C16orf87: variants seen among roughly 807,000 people sequenced by gnomAD.
The protein encoded by C16orf87 is UPF0547 protein C16orf87.
In C16orf87, 13 loss-of-function variants were observed where a neutral mutation model predicts 21.0. That is an observed-to-expected ratio of 0.62 (90% CI 0.40 to 0.98). C16orf87 has a LOEUF of 0.98. Among genes scored for constraint, C16orf87 ranks in the 50% least tolerant of loss-of-function variants. The probability of loss-of-function intolerance (pLI) is 0.00; values close to 1 mark genes in which losing one functional copy is unlikely to be tolerated. For missense variants in C16orf87, 113 were observed against 180.4 expected (o/e 0.63, Z 2.14); for synonymous variants, 49 against 60.2 (o/e 0.81, Z 0.86).
intron 2 of C16orf87, among the ~76,000 whole-genome samples, chr16:46,814,615 A>G (rs1034282713): frequency 6.6e-6 from 1 of 152,202 alleles, no homozygotes. Flanking sequence ...CAGACGTTTA[A>G]AACAGTGTAG....
At chr16:46,803,233 T>C (rs984537616) in intron 3 of C16orf87, among the ~76,000 whole-genome samples, 163 bp from the exon 4 acceptor site, 9 of 152,198 alleles carry the variant, frequency 5.9e-5, no homozygotes, top group East Asian at 3.8e-4. Flanking sequence ...TTTTAAATTA[T>C]ACAAAGGAGT....
At chr16:46,810,990 CT>C (rs560668755) in intron 2 of C16orf87, among the ~76,000 whole-genome samples, 81 of 152,304 alleles carry the variant, frequency 5.3e-4, no homozygotes, top group African/African-American at 1.9e-3. Flanking sequence ...CAACTCATTA[CT>C]TTGAAAACTT....
At chr16:46,823,594 T>A (rs1057220648) in intron 2 of C16orf87, among the ~76,000 whole-genome samples, 1 of 151,820 alleles carries the variant, frequency 6.6e-6, no homozygotes, top group Non-Finnish European at 1.5e-5. Flanking sequence ...TCTAAAAACG[T>A]TTTTCATACC....
At chr16:46,828,876 T>A (rs564595731) in intron 1 of C16orf87, among the ~76,000 whole-genome samples, 1 of 152,340 alleles carries the variant, frequency 6.6e-6, no homozygotes, top group South Asian at 2.1e-4. Context: ...CATCCATTAT[T>A]TTTTCACATC....
intron 3 of C16orf87, among the ~76,000 whole-genome samples, chr16:46,808,286 T>C (rs1246884845): frequency 6.6e-6 from 1 of 152,174 alleles, no homozygotes; most frequent in Non-Finnish European, 1.5e-5. Flanking sequence ...TAAACCTTAC[T>C]CCTTTAGCCA....
chr16:46,804,028 T>C (rs1388275877), intron 3 of C16orf87, among the ~76,000 whole-genome samples: 1 of 152,246 alleles, frequency 6.6e-6, no homozygotes, highest in Non-Finnish European at 1.5e-5. Flanking sequence ...TACATTATTA[T>C]GCCTATGGTA....
At chr16:46,814,019 C>G (rs1338231071) in intron 2 of C16orf87, among the ~76,000 whole-genome samples, 1 of 152,110 alleles carries the variant, frequency 6.6e-6, no homozygotes, top group Non-Finnish European at 1.5e-5. Context: ...ACCACCTTCT[C>G]AAAATCCCAT....
chr16:46,831,075 G>A lies in C16orf87; in HGVS notation c.66+9C>T, dbSNP rs1270293549. 2.6e-6 allele frequency: 4 copies of A among 1,563,240 alleles called. No individual in the cohort carries two copies. The highest frequency in any genetic ancestry group is 1.4e-5 in the African/African-American group (1 of 71,188). ...CCGCCCGCCCGCGCGCCCGGCCCCC[G>A]GCACCCACCTGTTGGTCGCACTCGG... On this transcript the variant is annotated intron_variant, in intron 1 of 3. Transcript: ENST00000285697.
chr16:46,802,951 A>G lies in C16orf87; in HGVS notation c.*1T>C, dbSNP rs752863704. ...GTTTCAGCAGATTTTGCAAACAAGTATCAGAGAATAAGTCTTTGATTGATA... is the reference window on the plus strand; with the variant it reads ...GTTTCAGCAGATTTTGCAAACAAGTGTCAGAGAATAAGTCTTTGATTGATA... On this transcript the variant is annotated 3_prime_UTR_variant, in exon 4 of 4. Coordinates refer to ENST00000285697, the MANE Select transcript of C16orf87 (RefSeq NM_001001436.4). 4 of 1,435,824 alleles carry G rather than the reference A, an allele frequency of 2.8e-6. No individual in the cohort carries two copies. Among genetic ancestry groups the G allele is most frequent in the Middle Eastern group, 1.8e-4 (1 of 5,456 alleles). 88.9% of individuals were successfully genotyped at this position (1,435,824 alleles called of 1,614,324 possible).
intron 1 of C16orf87, among the ~76,000 whole-genome samples, chr16:46,829,769 C>G (rs1959771136): frequency 6.6e-6 from 1 of 152,068 alleles, no homozygotes. Flanking sequence ...CAACCTTTTT[C>G]TGATAAGCAT....
chr16:46,830,307 A>AGAGAGAGAGTGAGT, intron 1 of C16orf87, among the ~76,000 whole-genome samples: 2 of 109,240 alleles, frequency 1.8e-5, no homozygotes, highest in East Asian at 2.7e-4. Flanking sequence ...AGAGAGAGAG[A>AGAGAGAGAGTGAGT]GACACACAGA....
chr16:46,829,568 T>C (rs1019072971), intron 1 of C16orf87, among the ~76,000 whole-genome samples: 1 of 152,168 alleles, frequency 6.6e-6, no homozygotes, highest in Non-Finnish European at 1.5e-5. Context: ...TTCTACACAA[T>C]TAACTGGAAT....
intron 2 of C16orf87, among the ~76,000 whole-genome samples, chr16:46,818,446 C>G (rs1263225422): frequency 6.6e-6 from 1 of 151,262 alleles, no homozygotes; most frequent in Non-Finnish European, 1.5e-5. Flanking sequence ...TTTTTTCTTT[C>G]TCCCAGTGAA....
chr16:46,809,481 T>C (rs561256982), intron 3 of C16orf87, 122 bp downstream of exon 3: 1 of 651,830 alleles, frequency 1.5e-6, no homozygotes, highest in East Asian at 2.6e-5. Context: ...GCTTTCAAAC[T>C]AAAATATGAG....
chr16:46,827,112 T>G (rs1173553177), intron 1 of C16orf87, among the ~76,000 whole-genome samples: 1 of 152,196 alleles, frequency 6.6e-6, no homozygotes, highest in African/African-American at 2.4e-5. Context: ...TGTTTTATGC[T>G]CAATAAACCC....
At position 46,799,364 on chromosome 16, in the gene C16orf87, C is replaced by G. The variant is rs987062621; in HGVS notation, c.*3588G>C. On this transcript the variant is annotated 3_prime_UTR_variant, in exon 4 of 4. Transcript: ENST00000285697. The stretch of plus-strand genomic sequence containing the variant: ...TGTACTTCCAAATGTAAAAATGAAG[C>G]TTGTCATGTAGTAAAAGAAAAAACC... 6.6e-6 allele frequency: 1 copy of G among 151,964 alleles called. No individual in the cohort carries two copies. Among genetic ancestry groups the G allele is most frequent in the African/African-American group, 2.4e-5 (1 of 41,380 alleles). 9.4% of individuals were successfully genotyped at this position (151,964 alleles called of 1,614,324 possible).
intron 2 of C16orf87, among the ~76,000 whole-genome samples, chr16:46,819,298 T>C (rs1329707319): frequency 5.9e-5 from 9 of 152,144 alleles, no homozygotes; most frequent in African/African-American, 1.9e-4. Flanking sequence ...TTGCCCAGCC[T>C]GGTCTCGAAC....
intron 2 of C16orf87, among the ~76,000 whole-genome samples, chr16:46,814,334 A>T (rs1317140518): frequency 6.6e-6 from 1 of 152,196 alleles, no homozygotes; most frequent in Non-Finnish European, 1.5e-5. Context: ...AAATAACTAG[A>T]GACTATTGCA....
At chr16:46,821,300 GA>G (rs1273937451) in intron 2 of C16orf87, among the ~76,000 whole-genome samples, 2 of 152,212 alleles carry the variant, frequency 1.3e-5, no homozygotes, top group Non-Finnish European at 2.9e-5. Flanking sequence ...GAAAGGGACA[GA>G]ATCTGAATCT....
Sources: allele counts gnomAD v4.1 joint callset (sites outside exome capture counted in the v4.1 genomes callset), GRCh38; gene constraint gnomAD v4.1.1; transcripts MANE v1.5; gene names NCBI Gene and HGNC (gene_info 2026-07-23, HGNC 2026-07-21).